The following RBM19 variants were observed in gnomAD, a reference collection of about 807,000 sequenced individuals.
The protein encoded by RBM19 is probable RNA-binding protein 19.
A neutral mutation model predicts 116.8 loss-of-function variants in RBM19; 94 were observed. The ratio of observed to expected loss-of-function variants is 0.80; its 90% CI spans 0.68 to 0.95. The LOEUF (loss-of-function observed/expected upper bound fraction) is 0.95, where lower values mean the gene tolerates loss of function less well. Ranked by LOEUF, RBM19 falls within the 40% of genes least tolerant of loss-of-function variation. The probability of loss-of-function intolerance (pLI) is 0.00; values close to 1 mark genes in which losing one functional copy is unlikely to be tolerated. For missense variants in RBM19, 1,161 were observed against 1,220.7 expected, an observed-to-expected ratio of 0.95 and a Z score of 0.73; for synonymous variants, 475 against 494.1, an observed-to-expected ratio of 0.96 and a Z score of 0.51.
intron 2 of RBM19, among the ~76,000 whole-genome samples, chr12:113,960,922 G>T (rs936834392): frequency 6.6e-6 from 1 of 152,178 alleles, no homozygotes; most frequent in Non-Finnish European, 1.5e-5. Flanking sequence ...CTTTGAGAGC[G>T]CTGGTTACTG....
At chr12:113,853,601 C>T (rs1458564378) in intron 22 of RBM19, among the ~76,000 whole-genome samples, 3 of 152,184 alleles carry the variant, frequency 2.0e-5, no homozygotes, top group Admixed American at 6.5e-5. Context: ...TCAGGACCAG[C>T]CCGGTCTGGG....
rs1456132344 is a variant in RBM19 at position 113,952,606 on chromosome 12, T to G, written c.922-16A>C. ...TAACATTTTTCTGTGAGAAGAAGTT[T>G]TTTTCCCCTTACCAACCACATAATA... On this transcript the variant is annotated splice_polypyrimidine_tract_variant and intron_variant, in intron 7 of 23. Coordinates refer to ENST00000261741, the MANE Select transcript of RBM19 (RefSeq NM_016196.4). 1 of 1,606,308 alleles carries G rather than the reference T, an allele frequency of 6.2e-7. No homozygotes were observed. The highest frequency in any genetic ancestry group is 8.5e-7 in the Non-Finnish European group (1 of 1,173,148).
In RBM19 at chr12:113,952,449, T is replaced by C; in HGVS notation, c.1000+63A>G. On this transcript the variant is annotated intron_variant, in intron 8 of 23. Transcript: ENST00000261741. ...CCTTAAAACTTCTTCCTTATTCAAG[T>C]ACCCCAACCTTCAATCTTCACTGTC... 1.4e-6 allele frequency: 2 copies of C among 1,439,476 alleles called. 1 individual carries two copies. The highest frequency in any genetic ancestry group is 2.4e-5 in the South Asian group (2 of 84,694). The allele number at this position is 1,439,476 out of a possible 1,614,324, so 89.2% of individuals were successfully genotyped here.
At chr12:113,900,149 G>A (rs918401851) in intron 21 of RBM19, among the ~76,000 whole-genome samples, 4 of 152,208 alleles carry the variant, frequency 2.6e-5, no homozygotes, top group Admixed American at 2.6e-4. Flanking sequence ...GCCCGAGCCT[G>A]CGAAATCTCA....
chr12:113,949,578 A>C (rs775900879), intron 9 of RBM19, among the ~76,000 whole-genome samples: 10 of 152,128 alleles, frequency 6.6e-5, no homozygotes, highest in Non-Finnish European at 1.2e-4. Context: ...GGCTGGATTC[A>C]AATCACTTGT....
Position 113,927,634 on chromosome 12 carries a change from C to T in RBM19, c.2069-405G>A, listed in dbSNP as rs572389103. Among the ~76,000 whole-genome samples the T allele has an allele frequency of 9.2e-4, 136 of 147,550 alleles. 2 individuals are homozygous for T. The highest frequency in any genetic ancestry group is 1.8e-3 in the Admixed American group (27 of 14,852). On this transcript the variant is annotated intron_variant, in intron 16 of 23. Transcript: ENST00000261741. ...AAAAAAAAAACCAGCACTTAGTGAA[C>T]TTTCAAACTAAAATGCAACTTAAAA...
chr12:113,844,817 C>T (rs1876815828), intron 22 of RBM19, 29 bp from the exon 23 acceptor site: 1 of 1,593,614 alleles, frequency 6.3e-7, no homozygotes, highest in Non-Finnish European at 8.6e-7. Flanking sequence ...CGAAACTGCA[C>T]ATCAGCTGGA....
At chr12:113,861,876 G>C (rs1016699592) in intron 21 of RBM19, among the ~76,000 whole-genome samples, 5 of 152,142 alleles carry the variant, frequency 3.3e-5, no homozygotes, top group Admixed American at 6.5e-5. Context: ...AAGGGCCTTG[G>C]GGGAGGTCAC....
intron 21 of RBM19, among the ~76,000 whole-genome samples, chr12:113,895,459 G>C (rs1338137298): frequency 1.3e-5 from 2 of 152,240 alleles, no homozygotes; most frequent in Non-Finnish European, 2.9e-5. Flanking sequence ...ACGGCATTAT[G>C]AAAGATGAGG....
chr12:113,870,101 G>A (rs1225147897), intron 21 of RBM19, among the ~76,000 whole-genome samples: 1 of 152,208 alleles, frequency 6.6e-6, no homozygotes, highest in Non-Finnish European at 1.5e-5. Context: ...AGTTAGTGAT[G>A]AGGCAGGAGG....
intron 21 of RBM19, among the ~76,000 whole-genome samples, chr12:113,912,953 C>A (rs1210101803): frequency 6.6e-6 from 1 of 152,132 alleles, no homozygotes; most frequent in Non-Finnish European, 1.5e-5. Flanking sequence ...ATAGCAGGTA[C>A]GGCCCTCCAA....
intron 21 of RBM19, among the ~76,000 whole-genome samples, chr12:113,913,042 T>A (rs973737318): frequency 1.3e-5 from 2 of 152,192 alleles, no homozygotes; most frequent in African/African-American, 4.8e-5. Context: ...CATGTAATTA[T>A]GTTCAGTGGA....
chr12:113,937,028 C>T lies in RBM19; in HGVS notation c.2047G>A (p.Asp683Asn). 1 of 1,614,112 alleles carries T rather than the reference C, an allele frequency of 6.2e-7. No homozygotes were observed. The highest frequency in any genetic ancestry group is 2.2e-5 in the East Asian group (1 of 44,858). The stretch of plus-strand genomic sequence containing the variant: ...TTACCTGTTTCTGGCTCTGCTGGGT[C>T]CTTTTCCATGGGTTCTGAAGGTGTG... Reference protein sequence around the residue: ...QDTPSEPMEKDPAEPETVPDG... With the variant: ...QDTPSEPMEKNPAEPETVPDG... Residue 683 changes from aspartate to asparagine, a missense_variant, in exon 16 of 24, where the codon GAC becomes AAC. Asp to Asn is a conservative substitution (Grantham distance 23, BLOSUM62 1). Transcript: ENST00000261741.
intron 21 of RBM19, among the ~76,000 whole-genome samples, chr12:113,894,255 A>G (rs1881163910): frequency 1.3e-5 from 2 of 152,318 alleles, no homozygotes; most frequent in South Asian, 4.1e-4. Context: ...ATCCTGTTCC[A>G]CAACAGGGCA....
Position 113,927,053 on chromosome 12 carries a change from C to T in RBM19, c.2244+1G>A. On this transcript the variant is annotated splice_donor_variant, in intron 17 of 23. Transcript: ENST00000261741. LOFTEE classifies it high-confidence loss of function. ...CCCTCCTGGGCTGAGAAACCACTCA[C>T]TTCCTTCAGCTTCTCTTCTGTTGTG... The T allele has an allele frequency of 6.2e-7, 1 of 1,612,332 alleles. No individual in the cohort carries two copies. Among genetic ancestry groups the T allele is most frequent in the Non-Finnish European group, 8.5e-7 (1 of 1,179,378 alleles).
chr12:113,914,735 C>T (rs1290296190), intron 21 of RBM19, among the ~76,000 whole-genome samples: 1 of 152,244 alleles, frequency 6.6e-6, no homozygotes, highest in Non-Finnish European at 1.5e-5. Context: ...CTTTCTCCAT[C>T]TGCCTCGGAG....
chr12:113,844,383 C>T (rs1024926355), intron 23 of RBM19, among the ~76,000 whole-genome samples: 1 of 152,242 alleles, frequency 6.6e-6, no homozygotes, highest in African/African-American at 2.4e-5. Flanking sequence ...AACACTCTGA[C>T]CTCTGTCTCT....
At chr12:113,877,959 C>T (rs773183194) in intron 21 of RBM19, among the ~76,000 whole-genome samples, 28 of 152,262 alleles carry the variant, frequency 1.8e-4, no homozygotes, top group African/African-American at 3.9e-4. Flanking sequence ...CATGGCCTAC[C>T]GGCAGAATCT....
chr12:113,961,832 C>A (rs991179041), intron 2 of RBM19, among the ~76,000 whole-genome samples: 1 of 152,246 alleles, frequency 6.6e-6, no homozygotes, highest in South Asian at 2.1e-4. Context: ...ACAGCAGGCT[C>A]CATGAGGACA....
Sources: gnomAD v4.1 joint callset for allele counts (sites outside exome capture counted in the v4.1 genomes callset) on GRCh38, gnomAD v4.1.1 for gene constraint, MANE v1.5 for transcripts, NCBI Gene and HGNC (gene_info 2026-07-23, HGNC 2026-07-21) for gene names.